SMAP2: variants seen among roughly 807,000 people sequenced by gnomAD.
The protein encoded by SMAP2 is stromal membrane-associated protein 2.
In SMAP2, 25 loss-of-function variants were observed where a neutral mutation model predicts 56.4. The ratio of observed to expected loss-of-function variants is 0.44; its 90% CI spans 0.32 to 0.62. The LOEUF is 0.62. SMAP2 is among the 20% of genes least tolerant of loss of function. The pLI, the probability that SMAP2 is intolerant of heterozygous loss-of-function variation, is 0.04. For synonymous variants in SMAP2, 157 were observed against 181.7 expected (o/e 0.86, Z 1.09); for missense variants, 388 against 545.6 (o/e 0.71, Z 2.88).
intron 3 of SMAP2, among the ~76,000 whole-genome samples, chr1:40,409,021 T>G (rs892900997): frequency 6.6e-6 from 1 of 152,248 alleles, no homozygotes; most frequent in African/African-American, 2.4e-5. Context: ...TAGTTTATTT[T>G]GGATCTCTGA....
chr1:40,358,397 AGCTGGGCGTG>A (rs1557822718), intron 1 of SMAP2, among the ~76,000 whole-genome samples: 2 of 152,164 alleles, frequency 1.3e-5, no homozygotes, highest in African/African-American at 4.8e-5. Context: ...ACAAAAAATT[AGCTGGGCGTG>A]GTGGTGGACA....
In SMAP2 at chr1:40,403,544, TAG is replaced by T. The variant is rs1644856804; in HGVS notation, c.104-3189_104-3188del. 9 of 405,884 alleles carry T rather than the reference TAG, an allele frequency of 2.2e-5. 1 individual carries two copies. Among genetic ancestry groups the T allele is most frequent in the Non-Finnish European group, 3.0e-5 (9 of 300,550 alleles). The allele number at this position is 405,884 out of a possible 1,614,324, so 25.1% of individuals were successfully genotyped here. A position where few individuals can be genotyped will look rare whatever the true frequency, so the allele number is the denominator to read the frequency against. Reference sequence around the variant, plus strand: ...AAAAGAAGCACTCCGTGGTGTTGCATAGAGTGTTGGTATATATTACATATATG... The same window carrying T: ...AAAAGAAGCACTCCGTGGTGTTGCATAGTGTTGGTATATATTACATATATG... On this transcript the variant is annotated intron_variant, in intron 1 of 9. Coordinates refer to ENST00000372718, the MANE Select transcript of SMAP2 (RefSeq NM_022733.3).
At chr1:40,365,872 GAGA>G (rs1314997036) in intron 2 of SMAP2, among the ~76,000 whole-genome samples, 3 of 151,462 alleles carry the variant, frequency 2.0e-5, no homozygotes, top group Admixed American at 6.6e-5. Flanking sequence ...GACGAGCTGA[GAGA>G]AGAAGGCTTC....
chr1:40,421,266 A>G (rs1477304548), intron 9 of SMAP2, among the ~76,000 whole-genome samples: 1 of 152,216 alleles, frequency 6.6e-6, no homozygotes, highest in African/African-American at 2.4e-5. Context: ...ACTTATATAG[A>G]AAATTTACTA....
At chr1:40,388,001 C>T (rs906802188) in intron 1 of SMAP2, among the ~76,000 whole-genome samples, 6 of 152,296 alleles carry the variant, frequency 3.9e-5, no homozygotes, top group Admixed American at 2.6e-4. Context: ...CCTGGGCCAG[C>T]GGCTGCAGAG....
chr1:40,362,688 T>A (rs1218594454), intron 2 of SMAP2, among the ~76,000 whole-genome samples: 2 of 152,202 alleles, frequency 1.3e-5, no homozygotes, highest in Non-Finnish European at 2.9e-5. Flanking sequence ...CACATTGATA[T>A]GCTCTGGTGT....
chr1:40,359,418 T>C (rs2124173246), intron 1 of SMAP2, among the ~76,000 whole-genome samples: 2 of 151,350 alleles, frequency 1.3e-5, no homozygotes, highest in South Asian at 4.2e-4. Context: ...TCTTTATAAG[T>C]AAGTTTCTTG....
intron 1 of SMAP2, among the ~76,000 whole-genome samples, chr1:40,382,057 T>C (rs1644604564): frequency 6.6e-6 from 1 of 152,116 alleles, no homozygotes; most frequent in Non-Finnish European, 1.5e-5. Flanking sequence ...GTAGCTGCAG[T>C]CTCATCTCTC....
intron 1 of SMAP2, among the ~76,000 whole-genome samples, chr1:40,397,559 G>A (rs1487823777): frequency 6.6e-6 from 1 of 151,996 alleles, no homozygotes; most frequent in Non-Finnish European, 1.5e-5. Context: ...TGCAAAACAG[G>A]AAAAATATAT....
chr1:40,420,178 C>T lies in SMAP2; in HGVS notation c.1165-1798C>T, dbSNP rs966074716. Among the ~76,000 whole-genome samples the T allele has an allele frequency of 4.6e-5, 7 of 152,092 alleles. No homozygotes were observed. In the South Asian group the frequency reaches 6.2e-4, roughly 14 times the overall value. Reference sequence around the variant, plus strand: ...TCGATTTATTGGTGCTACATTTTTCCGTTTTCTACCTCAATTTCCGTAGGC... The same window carrying T: ...TCGATTTATTGGTGCTACATTTTTCTGTTTTCTACCTCAATTTCCGTAGGC... On this transcript the variant is annotated intron_variant, in intron 9 of 9. Coordinates refer to ENST00000372718, the MANE Select transcript of SMAP2 (RefSeq NM_022733.3).
chr1:40,417,228 C>CTTT (rs34036744), intron 9 of SMAP2, 132 bp downstream of exon 9: 121 of 427,698 alleles, frequency 2.8e-4, no homozygotes, highest in East Asian at 7.2e-4. Flanking sequence ...GTTAGGTTTG[C>CTTT]TTTTTTTTTT....
At chr1:40,345,240 A>G (rs1481329929) in intron 1 of SMAP2, among the ~76,000 whole-genome samples, 1 of 151,988 alleles carries the variant, frequency 6.6e-6, no homozygotes, top group Non-Finnish European at 1.5e-5. Context: ...CCATCTCTAC[A>G]AAAAATTAAA....
intron 1 of SMAP2, among the ~76,000 whole-genome samples, chr1:40,357,868 C>T (rs1050106926): frequency 6.6e-6 from 1 of 151,946 alleles, no homozygotes; most frequent in African/African-American, 2.4e-5. Flanking sequence ...GTGATTACTC[C>T]AGCTTTGTTC....
In SMAP2 at chr1:40,406,797, C is replaced by T. The variant is rs888148093; in HGVS notation, c.165C>T (p.His55=). ...VFICIRCAGI[H]RNLGVHISRV... The stretch of plus-strand genomic sequence containing the variant: ...TCTGCATTCGATGTGCTGGAATCCA[C>T]AGGAATCTGGGGGTGCACATATCCA... Residue 55 remains histidine, a synonymous_variant, in exon 2 of 10, where the codon CAC becomes CAT. Transcript: ENST00000372718. 3.1e-6 allele frequency: 5 copies of T among 1,613,940 alleles called. No individual in the cohort carries two copies. The African/African-American group carries it at 6.7e-5, about 22-fold the overall frequency.
At chr1:40,413,733 A>G (rs1006752575) in intron 5 of SMAP2, among the ~76,000 whole-genome samples, 2 of 152,200 alleles carry the variant, frequency 1.3e-5, no homozygotes, top group Non-Finnish European at 2.9e-5. Flanking sequence ...TGAATTAGGT[A>G]ATCTTTAAAC....
At position 40,374,869 on chromosome 1, in the gene SMAP2, C is replaced by T; in HGVS notation, c.103+646C>T. On this transcript the variant is annotated intron_variant, in intron 1 of 9. Coordinates refer to ENST00000372718, the MANE Select transcript of SMAP2 (RefSeq NM_022733.3). This position sits in a 1 kb window ranked among gnomAD's most constrained non-coding sequence, Gnocchi z 5.9. ...AGTGCGGATTTCTAGGCAGTGTAGCCCTGGCTTGTAGAGTGCGTTGGAGGC... is the reference window on the plus strand; with the variant it reads ...AGTGCGGATTTCTAGGCAGTGTAGCTCTGGCTTGTAGAGTGCGTTGGAGGC... The T allele has an allele frequency of 2.0e-6, 2 of 985,226 alleles. No individual in the cohort carries two copies. The highest frequency in any genetic ancestry group is 4.7e-5 in the South Asian group (1 of 21,284). The allele number at this position is 985,226 out of a possible 1,614,324, so 61.0% of individuals were successfully genotyped here. A position where few individuals can be genotyped will look rare whatever the true frequency, so the allele number is the denominator to read the frequency against.
rs1272979609 is a variant in SMAP2 at position 40,374,859 on chromosome 1, G to A, written c.103+636G>A. On this transcript the variant is annotated intron_variant, in intron 1 of 9. Coordinates refer to ENST00000372718, the MANE Select transcript of SMAP2 (RefSeq NM_022733.3). This position sits in a 1 kb window ranked among gnomAD's most constrained non-coding sequence, Gnocchi z 5.9. ...GCAGTGACACAGTGCGGATTTCTAGGCAGTGTAGCCCTGGCTTGTAGAGTG... is the reference window on the plus strand; with the variant it reads ...GCAGTGACACAGTGCGGATTTCTAGACAGTGTAGCCCTGGCTTGTAGAGTG... 2.7e-5 allele frequency: 27 copies of A among 985,272 alleles called. No homozygotes were observed. The highest frequency in any genetic ancestry group is 3.0e-5 in the Non-Finnish European group (25 of 829,932). 61.0% of individuals were successfully genotyped at this position (985,272 alleles called of 1,614,324 possible). A position where few individuals can be genotyped will look rare whatever the true frequency, so the allele number is the denominator to read the frequency against.
chr1:40,415,007 GC>G (rs1471591173), intron 6 of SMAP2, among the ~76,000 whole-genome samples: 1 of 152,152 alleles, frequency 6.6e-6, no homozygotes, highest in African/African-American at 2.4e-5. Context: ...GAGCCAGCCA[GC>G]CCCCCACTGT....
intron 1 of SMAP2, among the ~76,000 whole-genome samples, chr1:40,346,911 A>G (rs1047369909): frequency 6.6e-6 from 1 of 151,968 alleles, no homozygotes; most frequent in Non-Finnish European, 1.5e-5. Flanking sequence ...GCTGGAGTGC[A>G]CAATCATAGC....
Sources: allele counts gnomAD v4.1 joint callset (sites outside exome capture counted in the v4.1 genomes callset), GRCh38; gene constraint gnomAD v4.1.1; non-coding constraint Gnocchi (gnomAD v3.1); transcripts MANE v1.5; gene names NCBI Gene and HGNC (gene_info 2026-07-23, HGNC 2026-07-21).